The following PXDNL variants were observed in gnomAD, a reference collection of about 807,000 sequenced individuals.
The protein encoded by PXDNL is probable oxidoreductase PXDNL.
In PXDNL, 145 loss-of-function variants were observed where a neutral mutation model predicts 150.8. The observed-to-expected ratio is 0.96, with a 90% CI of 0.84 to 1.10. PXDNL has a LOEUF of 1.10. Among genes scored for constraint, PXDNL ranks in the 50% least tolerant of loss-of-function variants. PXDNL has a pLI of 0.00. For missense variants in PXDNL, 2,087 were observed against 1,873.9 expected (o/e 1.11, Z -2.10); for synonymous variants, 757 against 725.7 (o/e 1.04, Z -0.69).
At position 51,339,751 on chromosome 8, in the gene PXDNL, T is replaced by A; in HGVS notation, c.4019A>T (p.Gln1340Leu). The change falls in exon 21 of 23, where the codon CAA becomes CTA. Residue 1340 changes from glutamine (Q) to leucine (L), a missense_variant and splice_region_variant. By Grantham distance (113) the Gln-to-Leu change is moderately radical. Coordinates refer to ENST00000356297, the MANE Select transcript of PXDNL (RefSeq NM_144651.5). ...TTCACCCACATATATTTTATCTTGT[T>A]GCCTATTTATAACAAGAAGCAAATA... The part of the protein sequence containing the change: ...DMELSHLRSR[Q>L]QDKIYVGEDA... The A allele has an allele frequency of 6.3e-7, 1 of 1,592,102 alleles. No homozygotes were observed.
intron 4 of PXDNL, among the ~76,000 whole-genome samples, chr8:51,520,228 G>T (rs1482287501): frequency 1.3e-5 from 2 of 152,154 alleles, no homozygotes; most frequent in African/African-American, 4.8e-5. Flanking sequence ...GGAAGAACAC[G>T]GCCAGAGGGC....
chr8:51,516,660 A>G (rs1162422672), intron 4 of PXDNL, among the ~76,000 whole-genome samples: 1 of 152,240 alleles, frequency 6.6e-6, no homozygotes, highest in Non-Finnish European at 1.5e-5. Context: ...GATGAGACAT[A>G]CAAAGAAATG....
At position 51,809,399 on chromosome 8, in the gene PXDNL, G is replaced by GCAGCTA; in HGVS notation, c.-56_-55insTAGCTG. 6.9e-7 allele frequency: 1 copy of GCAGCTA among 1,456,546 alleles called. No homozygotes were observed. The highest frequency in any genetic ancestry group is 1.4e-5 in the South Asian group (1 of 71,604). The allele number at this position is 1,456,546 out of a possible 1,614,324, so 90.2% of individuals were successfully genotyped here. A position where few individuals can be genotyped will look rare whatever the true frequency, so the allele number is the denominator to read the frequency against. The stretch of plus-strand genomic sequence containing the variant: ...AGCAGCCGGAGGGAGAGCAGCAGCT[G>GCAGCTA]CAGCTGCAGCAGCAACCGCAGTGGT... On this transcript the variant is annotated 5_prime_UTR_variant, in exon 1 of 23. Transcript: ENST00000356297.
intron 12 of PXDNL, among the ~76,000 whole-genome samples, chr8:51,443,658 T>G (rs1446826342): frequency 6.6e-6 from 1 of 152,218 alleles, no homozygotes; most frequent in African/African-American, 2.4e-5. Flanking sequence ...TAATTATATT[T>G]TCTACAAAAA....
intron 8 of PXDNL, among the ~76,000 whole-genome samples, chr8:51,460,737 A>C (rs1194408356): frequency 6.6e-6 from 1 of 151,952 alleles, no homozygotes; most frequent in Non-Finnish European, 1.5e-5. Context: ...CACGACCCCC[A>C]TAGACATTTT....
intron 1 of PXDNL, among the ~76,000 whole-genome samples, chr8:51,713,537 C>T (rs1020028072): frequency 2.6e-5 from 4 of 152,112 alleles, no homozygotes; most frequent in East Asian, 1.9e-4. Flanking sequence ...CTCGTTGAGC[C>T]GGTTTCTCTC....
chr8:51,321,917 C>T (rs930408078), intron 21 of PXDNL, among the ~76,000 whole-genome samples: 1 of 151,748 alleles, frequency 6.6e-6, no homozygotes, highest in African/African-American at 2.4e-5. Context: ...AAGCCGTAAT[C>T]CCCAATGTGA....
chr8:51,555,162 C>A (rs1812574427), intron 4 of PXDNL, among the ~76,000 whole-genome samples: 1 of 152,094 alleles, frequency 6.6e-6, no homozygotes, highest in East Asian at 1.9e-4. Flanking sequence ...GGGCCGGCAT[C>A]CTTTAAGGGC....
At chr8:51,425,713 C>G (rs1041887078) in intron 13 of PXDNL, among the ~76,000 whole-genome samples, 2 of 151,622 alleles carry the variant, frequency 1.3e-5, no homozygotes, top group African/African-American at 2.4e-5. Flanking sequence ...CCCAGCTACT[C>G]GGAGAGGCTG....
chr8:51,789,288 T>A lies in PXDNL; in HGVS notation c.164+19893A>T, dbSNP rs532090208. Among the ~76,000 whole-genome samples, 18 of 152,156 alleles carry A rather than the reference T, an allele frequency of 1.2e-4. No homozygotes were observed. The East Asian group carries it at 2.7e-3, about 23-fold the overall frequency. ...TCCTTGATTGATATATATAAGAATA[T>A]TTCTAGAAAAGATTTGTCCTCAGAA... is the stretch of plus-strand genomic sequence containing the variant. On this transcript the variant is annotated intron_variant, in intron 1 of 22. Coordinates refer to ENST00000356297, the MANE Select transcript of PXDNL (RefSeq NM_144651.5).
intron 3 of PXDNL, among the ~76,000 whole-genome samples, chr8:51,568,152 T>C (rs1812863704): frequency 6.6e-6 from 1 of 151,334 alleles, no homozygotes; most frequent in African/African-American, 2.4e-5. Flanking sequence ...GTTATATCAA[T>C]AAATAATAAA....
At chr8:51,792,899 AC>A (rs1387161078) in intron 1 of PXDNL, among the ~76,000 whole-genome samples, 8 of 152,140 alleles carry the variant, frequency 5.3e-5, no homozygotes, top group African/African-American at 1.9e-4. Context: ...CTTAGTCTTT[AC>A]CCCTGAGGGC....
At chr8:51,344,563 C>T (rs1371622338) in intron 20 of PXDNL, among the ~76,000 whole-genome samples, 1 of 152,318 alleles carries the variant, frequency 6.6e-6, no homozygotes, top group Admixed American at 6.5e-5. Context: ...GAATTAATCA[C>T]CCCTTGCTCT....
intron 21 of PXDNL, among the ~76,000 whole-genome samples, chr8:51,331,953 C>T (rs1044586927): frequency 2.0e-5 from 3 of 152,020 alleles, no homozygotes; most frequent in Non-Finnish European, 4.4e-5. Context: ...GTTCTAGGGC[C>T]CAGTCCCTCT....
intron 14 of PXDNL, 21 bp from the exon 15 acceptor site, chr8:51,413,279 A>T (rs1439343606): frequency 6.9e-7 from 1 of 1,449,292 alleles, no homozygotes; most frequent in Non-Finnish European, 9.7e-7. Context: ...CAATTCCATG[A>T]TTAAAAATAT....
intron 2 of PXDNL, among the ~76,000 whole-genome samples, chr8:51,627,745 T>TTGCCCC (rs1814394072): frequency 6.6e-6 from 1 of 152,180 alleles, no homozygotes; most frequent in Non-Finnish European, 1.5e-5. Context: ...TTACTTGCCC[T>TTGCCCC]TGCCCCACCC....
rs986890481 is a variant in PXDNL, at chr8:51,404,822, G to A, written c.3557+3245C>T. Among the ~76,000 whole-genome samples the A allele has an allele frequency of 2.4e-4, 37 of 152,236 alleles. 1 individual carries two copies. The highest frequency in any genetic ancestry group is 1.1e-3 in the Admixed American group (17 of 15,290). On this transcript the variant is annotated intron_variant, in intron 17 of 22. Coordinates refer to ENST00000356297, the MANE Select transcript of PXDNL (RefSeq NM_144651.5). The stretch of plus-strand genomic sequence containing the variant: ...CCCACCAGTCCCACGCAGTGCGCCG[G>A]CACTCCTCAGCCCTTGGGCGGTCGA...
chr8:51,458,583 T>C (rs992205720), intron 8 of PXDNL, among the ~76,000 whole-genome samples: 1 of 152,196 alleles, frequency 6.6e-6, no homozygotes, highest in Admixed American at 6.5e-5. Context: ...CACCGATGTT[T>C]TGTCACCCAT....
At chr8:51,430,750 CAAA>C (rs1809228740) in intron 12 of PXDNL, among the ~76,000 whole-genome samples, 1 of 152,150 alleles carries the variant, frequency 6.6e-6, no homozygotes, top group Admixed American at 6.5e-5. Context: ...ACTTTTCTTC[CAAA>C]ATGCTAAACT....
Sources: allele counts gnomAD v4.1 joint callset (sites outside exome capture counted in the v4.1 genomes callset), GRCh38; gene constraint gnomAD v4.1.1; transcripts MANE v1.5; gene names NCBI Gene and HGNC (gene_info 2026-07-23, HGNC 2026-07-21).